The following CDC42SE2 variants were observed in gnomAD, a reference collection of about 807,000 sequenced individuals.
The protein encoded by CDC42SE2 is CDC42 small effector 2.
Under a neutral mutation model 11.5 loss-of-function variants are expected in CDC42SE2, and 3 were observed. That is an observed-to-expected ratio of 0.26 (90% confidence interval 0.12 to 0.67). The LOEUF (loss-of-function observed/expected upper bound fraction) is 0.67. CDC42SE2 is among the 30% of genes least tolerant of loss of function. The pLI is 0.80. For missense variants in CDC42SE2, 82 were observed against 106.8 expected, an observed-to-expected ratio of 0.77 and a Z score of 1.02; for synonymous variants, 33 against 34.8, an observed-to-expected ratio of 0.95 and a Z score of 0.18.
chr5:131,335,192 A>G (rs1285451098), intron 2 of CDC42SE2, among the ~76,000 whole-genome samples: 1 of 152,180 alleles, frequency 6.6e-6, no homozygotes, highest in Non-Finnish European at 1.5e-5. Flanking sequence ...GTTTCAAAGA[A>G]CACCTTTATT....
At chr5:131,288,149 C>T (rs564780211) in intron 1 of CDC42SE2, among the ~76,000 whole-genome samples, 3 of 151,182 alleles carry the variant, frequency 2.0e-5, no homozygotes, top group Admixed American at 1.3e-4. Context: ...GCTTAAGCCC[C>T]GGAGGTTGAG....
At chr5:131,358,145 T>C (rs967144489) in intron 2 of CDC42SE2, among the ~76,000 whole-genome samples, 1 of 152,250 alleles carries the variant, frequency 6.6e-6, no homozygotes, top group African/African-American at 2.4e-5. Flanking sequence ...TTCATTGCTT[T>C]AGTCATAATC....
intron 1 of CDC42SE2, among the ~76,000 whole-genome samples, chr5:131,304,545 A>C (rs1439523941): frequency 6.6e-6 from 1 of 152,232 alleles, no homozygotes; most frequent in African/African-American, 2.4e-5. Flanking sequence ...CTTTTTGGTC[A>C]ACAATGAAAT....
At chr5:131,220,153 C>T in the CDC42SE2 span, among the ~76,000 whole-genome samples, 1 of 152,202 alleles carries the variant, frequency 6.6e-6, no homozygotes, top group South Asian at 2.1e-4. Context: ...TTAATTATGC[C>T]ATTGTTTTAA....
intron 3 of CDC42SE2, among the ~76,000 whole-genome samples, chr5:131,383,638 C>T (rs755207028): frequency 6.6e-6 from 1 of 152,150 alleles, no homozygotes; most frequent in Non-Finnish European, 1.5e-5. Context: ...GTGGCTACTA[C>T]TGAAAAAATC....
chr5:131,360,499 A>T (rs1461085157), intron 3 of CDC42SE2, among the ~76,000 whole-genome samples: 1 of 152,070 alleles, frequency 6.6e-6, no homozygotes, highest in East Asian at 1.9e-4. Flanking sequence ...ATGAGATAAT[A>T]CTCATCTGTA....
intron 1 of CDC42SE2, among the ~76,000 whole-genome samples, chr5:131,311,732 C>G (rs933288524): frequency 5.3e-5 from 8 of 152,218 alleles, no homozygotes; most frequent in African/African-American, 1.9e-4. Context: ...CAGTTGATCA[C>G]ATCGGCTCCT....
chr5:131,336,507 A>G (rs1758566354), intron 2 of CDC42SE2, among the ~76,000 whole-genome samples: 1 of 152,096 alleles, frequency 6.6e-6, no homozygotes, highest in South Asian at 2.1e-4. Context: ...CCTGAATTTG[A>G]ATGTTGGCTT....
At chr5:131,260,369 T>C (rs1372532710), upstream of CDC42SE2, among the ~76,000 whole-genome samples, 1 of 152,200 alleles carries the variant, frequency 6.6e-6, no homozygotes, top group Non-Finnish European at 1.5e-5. Flanking sequence ...CCGCCTGTAA[T>C]CCCAGCGCTT....
At chr5:131,357,542 G>C (rs1322503231) in intron 2 of CDC42SE2, among the ~76,000 whole-genome samples, 3 of 152,182 alleles carry the variant, frequency 2.0e-5, no homozygotes, top group Non-Finnish European at 4.4e-5. Context: ...CTGTAATGTG[G>C]TTGTTACTGA....
intron 4 of CDC42SE2, among the ~76,000 whole-genome samples, chr5:131,385,946 A>G (rs561852516): frequency 1.6e-4 from 24 of 152,322 alleles, no homozygotes; most frequent in Non-Finnish European, 2.9e-4. Context: ...TTAATATCCT[A>G]TTGATTCTCT....
intron 2 of CDC42SE2, among the ~76,000 whole-genome samples, chr5:131,358,676 A>C (rs1224507896): frequency 2.0e-5 from 3 of 152,132 alleles, no homozygotes; most frequent in Non-Finnish European, 4.4e-5. Flanking sequence ...TCACAGAAGA[A>C]AGCCAACTTA....
chr5:131,308,244 C>G (rs1017309842), intron 1 of CDC42SE2, among the ~76,000 whole-genome samples: 16 of 152,182 alleles, frequency 1.1e-4, no homozygotes, highest in African/African-American at 3.9e-4. Flanking sequence ...TGTCAAAGAT[C>G]AGATAGTTGT....
At chr5:131,352,367 AT>A (rs1191164233) in intron 2 of CDC42SE2, among the ~76,000 whole-genome samples, 3 of 152,230 alleles carry the variant, frequency 2.0e-5, no homozygotes, top group Non-Finnish European at 2.9e-5. Context: ...GCAATAAAAA[AT>A]AATTTACTAA....
chr5:131,359,554 A>G lies in CDC42SE2; in HGVS notation c.54+7A>G, dbSNP rs767213563. The G allele has an allele frequency of 1.9e-6, 3 of 1,607,046 alleles. No homozygotes were observed. Among genetic ancestry groups the G allele is most frequent in the South Asian group, 2.2e-5 (2 of 90,960 alleles). ...TGCAGAACAGCCTCAGCCTGTAAGT[A>G]TGAAGTATGTGGACACATCAGGTGG... is the stretch of plus-strand genomic sequence containing the variant. On this transcript the variant is annotated splice_region_variant and intron_variant, in intron 3 of 4. Coordinates refer to ENST00000505065, the MANE Select transcript of CDC42SE2 (RefSeq NM_001375635.1).
intron 3 of CDC42SE2, among the ~76,000 whole-genome samples, chr5:131,373,062 A>T (rs899041992): frequency 9.2e-5 from 14 of 152,274 alleles, no homozygotes; most frequent in African/African-American, 3.1e-4. Flanking sequence ...AACCTTAAAG[A>T]GCTGGTCTCT....
chr5:131,215,728 A>T, the CDC42SE2 span, among the ~76,000 whole-genome samples: 1 of 152,196 alleles, frequency 6.6e-6, no homozygotes, highest in East Asian at 1.9e-4. Context: ...TAGAAAAGGA[A>T]CTCAGTGGAG....
At chr5:131,337,227 G>T (rs188496184) in intron 2 of CDC42SE2, among the ~76,000 whole-genome samples, 3 of 152,262 alleles carry the variant, frequency 2.0e-5, no homozygotes, top group Middle Eastern at 3.4e-3. Flanking sequence ...GTTTACTGGA[G>T]GTCCACTCCA....
At chr5:131,343,884 C>A (rs906211450) in intron 2 of CDC42SE2, among the ~76,000 whole-genome samples, 8 of 152,064 alleles carry the variant, frequency 5.3e-5, no homozygotes, top group Admixed American at 2.6e-4. Flanking sequence ...GAGTAGTTTT[C>A]AACATATTTT....
Sources: allele counts gnomAD v4.1 joint callset (sites outside exome capture counted in the v4.1 genomes callset), GRCh38; gene constraint gnomAD v4.1.1; transcripts MANE v1.5; gene names NCBI Gene and HGNC (gene_info 2026-07-23, HGNC 2026-07-21).